Variants in FBXO17 observed in about 807,000 individuals in gnomAD.
FBXO17 encodes F-box only protein 17.
FBXO17 carries 43 observed loss-of-function variants against 34.1 expected under a neutral mutation model. The observed-to-expected ratio is 1.26, with a 90% CI of 0.99 to 1.62. The LOEUF is 1.62. Ranked by LOEUF, FBXO17 falls within the 40% of genes most tolerant of loss-of-function variation. The pLI is 0.00. For missense variants in FBXO17, 424 were observed against 386.7 expected (o/e 1.10, Z -0.81); for synonymous variants, 169 against 166.0 (o/e 1.02, Z -0.14).
In FBXO17 at chr19:38,941,927, C is replaced by G. The variant is rs1266237665; in HGVS notation, c.*681G>C. The G allele has an allele frequency of 6.6e-6, 1 of 152,172 alleles. No homozygotes were observed. The highest frequency in any genetic ancestry group is 1.5e-5 in the Non-Finnish European group (1 of 68,046). 9.4% of individuals were successfully genotyped at this position (152,172 alleles called of 1,614,324 possible). A position where few individuals can be genotyped will look rare whatever the true frequency, so the allele number is the denominator to read the frequency against. ...TGCTCCCTGCCCACGATCATTACCC[C>G]CAAAACATGCCGGCAAGTCTCTGCT... On this transcript the variant is annotated 3_prime_UTR_variant, in exon 6 of 6. Coordinates refer to ENST00000292852, the MANE Select transcript of FBXO17 (RefSeq NM_024907.7).
intron 4 of FBXO17, chr19:38,946,225 AGTGG>A (rs1437380554): frequency 1.0e-5 from 6 of 585,556 alleles, no homozygotes; most frequent in Middle Eastern, 4.6e-4. Context: ...CAAGCCAGTC[AGTGG>A]CCCCCTGTGG....
chr19:38,942,506 C>T lies in FBXO17; in HGVS notation c.*102G>A. The stretch of plus-strand genomic sequence containing the variant: ...TGAACTCCCGAGCTCCAGTGATCCT[C>T]CCACCTCGGCCTCCTGAAGTGCTGG... On this transcript the variant is annotated 3_prime_UTR_variant, in exon 6 of 6. Coordinates refer to ENST00000292852, the MANE Select transcript of FBXO17 (RefSeq NM_024907.7). 2 of 1,286,142 alleles carry T rather than the reference C, an allele frequency of 1.6e-6. No individual in the cohort carries two copies. The highest frequency in any genetic ancestry group is 2.1e-6 in the Non-Finnish European group (2 of 971,870). The allele number at this position is 1,286,142 out of a possible 1,614,324, so 79.7% of individuals were successfully genotyped here. A position where few individuals can be genotyped will look rare whatever the true frequency, so the allele number is the denominator to read the frequency against.
chr19:38,941,597 C>T lies in FBXO17; in HGVS notation c.*1011G>A, dbSNP rs557594898. 1.3e-5 allele frequency: 2 copies of T among 152,344 alleles called. No individual in the cohort carries two copies. The highest frequency in any genetic ancestry group is 4.1e-4 in the South Asian group (2 of 4,832). 9.4% of individuals were successfully genotyped at this position (152,344 alleles called of 1,614,324 possible). On this transcript the variant is annotated 3_prime_UTR_variant, in exon 6 of 6. Transcript: ENST00000292852. The stretch of plus-strand genomic sequence containing the variant: ...AGGGATGGGTCTGGCTAGTTATCTG[C>T]AGCAGGAACATGTCGTTAAGGCACA...
rs1367061109 is a variant in FBXO17, at chr19:38,969,633, A to G, written c.-18+5953T>C. On this transcript the variant is annotated intron_variant, in intron 1 of 5. Transcript: ENST00000292852. ...TTTTTTTGAGACTGAATCTCACTCT[A>G]TCGCCCAGGCTGGAGTGCAGTGGCA... is the stretch of plus-strand genomic sequence containing the variant. 2.6e-4 allele frequency among the ~76,000 whole-genome samples: 32 copies of G among 124,130 alleles called. 1 individual carries two copies. In the Admixed American group the frequency reaches 3.1e-3, roughly 12 times the overall value. 81.4% of individuals were successfully genotyped at this position (124,130 alleles called of 152,430 possible). A position where few individuals can be genotyped will look rare whatever the true frequency, so the allele number is the denominator to read the frequency against.
intron 3 of FBXO17, chr19:38,946,919 C>T (rs1865048): frequency 0.44 from 112,008 of 252,744 alleles, 28,311 homozygotes; most frequent in East Asian, 0.73. Flanking sequence ...TAAAGCTGGA[C>T]AGCCTTGTCT....
At chr19:38,962,106 T>TAA (rs71167604) in intron 1 of FBXO17, among the ~76,000 whole-genome samples, 12 of 92,428 alleles carry the variant, frequency 1.3e-4, no homozygotes, top group African/African-American at 1.4e-4. Context: ...GGGACGCTGT[T>TAA]AAAAAAAAAA....
intron 1 of FBXO17, among the ~76,000 whole-genome samples, chr19:38,960,546 T>G (rs1441069335): frequency 6.6e-6 from 1 of 152,062 alleles, no homozygotes; most frequent in Non-Finnish European, 1.5e-5. Context: ...TCTCGCTCTG[T>G]CCCCCAGGCT....
At chr19:38,968,871 G>A (rs1414486389) in intron 1 of FBXO17, among the ~76,000 whole-genome samples, 1 of 152,168 alleles carries the variant, frequency 6.6e-6, no homozygotes, top group Non-Finnish European at 1.5e-5. Flanking sequence ...AAGTAGATTA[G>A]TAGTTGCCTT....
At chr19:38,946,200 G>A (rs1024947925) in intron 4 of FBXO17, 10 of 519,964 alleles carry the variant, frequency 1.9e-5, no homozygotes, top group Non-Finnish European at 2.7e-5. Flanking sequence ...GAGGTGTCTC[G>A]TTTCAGAGGG....
At position 38,946,582 on chromosome 19, in the gene FBXO17, TGGCAGGG is replaced by T; in HGVS notation, c.462-22_462-16del. 6.2e-7 allele frequency: 1 copy of T among 1,613,220 alleles called. No homozygotes were observed. Among genetic ancestry groups the T allele is most frequent in the Non-Finnish European group, 8.5e-7 (1 of 1,179,760 alleles). On this transcript the variant is annotated splice_polypyrimidine_tract_variant and intron_variant, in intron 3 of 5. Coordinates refer to ENST00000292852, the MANE Select transcript of FBXO17 (RefSeq NM_024907.7). ...TGGAGCACCATCTGGGAAGGAGAGA[TGGCAGGG>T]GGCAGGGCAAACAGTCCTGGCATTC... is the stretch of plus-strand genomic sequence containing the variant.
At chr19:38,968,295 G>A (rs1017959803) in intron 1 of FBXO17, among the ~76,000 whole-genome samples, 2 of 146,734 alleles carry the variant, frequency 1.4e-5, no homozygotes, top group African/African-American at 5.1e-5. Context: ...CTCTAGCCTG[G>A]GCAACAGAGC....
chr19:38,955,220 T>C (rs1461864500), intron 1 of FBXO17, among the ~76,000 whole-genome samples: 1 of 151,990 alleles, frequency 6.6e-6, no homozygotes, highest in Non-Finnish European at 1.5e-5. Context: ...CGTGAGCCAC[T>C]GCAACTGGCC....
chr19:38,967,638 C>T (rs1975338094), intron 1 of FBXO17, among the ~76,000 whole-genome samples: 1 of 151,470 alleles, frequency 6.6e-6, no homozygotes, highest in Non-Finnish European at 1.5e-5. Flanking sequence ...GATCTTGGCT[C>T]ACTGCAGCCT....
intron 1 of FBXO17, among the ~76,000 whole-genome samples, chr19:38,968,801 C>T (rs1224240396): frequency 6.6e-6 from 1 of 152,132 alleles, no homozygotes; most frequent in Non-Finnish European, 1.5e-5. Flanking sequence ...TGCAAAAGGA[C>T]ACATATTATA....
Position 38,941,751 on chromosome 19 carries a change from A to G in FBXO17, c.*857T>C, listed in dbSNP as rs1306011555. 1 of 152,178 alleles carries G rather than the reference A, an allele frequency of 6.6e-6. No individual in the cohort carries two copies. The highest frequency in any genetic ancestry group is 1.5e-5 in the Non-Finnish European group (1 of 68,036). 9.4% of individuals were successfully genotyped at this position (152,178 alleles called of 1,614,324 possible). A position where few individuals can be genotyped will look rare whatever the true frequency, so the allele number is the denominator to read the frequency against. ...TCAGGGTGGGGGTCATGGCCATCAC[A>G]AACATGTCACAGTGCTGCAGATATT... On this transcript the variant is annotated 3_prime_UTR_variant, in exon 6 of 6. Transcript: ENST00000292852.
At chr19:38,944,281 A>ATTT (rs869205714) in intron 5 of FBXO17, among the ~76,000 whole-genome samples, 1 of 143,230 alleles carries the variant, frequency 7.0e-6, no homozygotes, top group Admixed American at 7.1e-5. Context: ...TATTATTATT[A>ATTT]TTTTTAGTTA....
intron 1 of FBXO17, among the ~76,000 whole-genome samples, chr19:38,951,301 G>T (rs2144818976): frequency 6.6e-6 from 1 of 151,696 alleles, no homozygotes; most frequent in African/African-American, 2.4e-5. Context: ...AAGTAGCTGG[G>T]ACTATAGGTG....
At chr19:38,959,179 G>A (rs1975211279) in intron 1 of FBXO17, among the ~76,000 whole-genome samples, 1 of 151,846 alleles carries the variant, frequency 6.6e-6, no homozygotes, top group Non-Finnish European at 1.5e-5. Flanking sequence ...CAAAGTGCTG[G>A]GATTATAGGT....
intron 1 of FBXO17, among the ~76,000 whole-genome samples, chr19:38,964,911 A>G (rs764373436): frequency 1.3e-5 from 2 of 152,128 alleles, no homozygotes; most frequent in African/African-American, 2.4e-5. Flanking sequence ...GCTAACATGA[A>G]CAAGTGCTGT....
Sources: allele counts gnomAD v4.1 joint callset (sites outside exome capture counted in the v4.1 genomes callset), GRCh38; gene constraint gnomAD v4.1.1; transcripts MANE v1.5; gene names NCBI Gene and HGNC (gene_info 2026-07-23, HGNC 2026-07-21).